Variants in MYOM1 observed in about 807,000 individuals in gnomAD.
The protein encoded by MYOM1 is myomesin-1.
Under a neutral mutation model 205.3 loss-of-function variants are expected in MYOM1, and 164 were observed. That is an observed-to-expected ratio of 0.80 (90% CI 0.70 to 0.91). The LOEUF (loss-of-function observed/expected upper bound fraction) is 0.91. Among genes scored for constraint, MYOM1 ranks in the 40% least tolerant of loss-of-function variants. The pLI, the probability that MYOM1 is intolerant of heterozygous loss-of-function variation, is 0.00. For missense variants in MYOM1, 2,011 were observed against 2,127.3 expected (o/e 0.95, Z 1.08); for synonymous variants, 772 against 789.4 (o/e 0.98, Z 0.37).
At chr18:3,165,816 C>T (rs1567945382) in intron 9 of MYOM1, among the ~76,000 whole-genome samples, 1 of 152,084 alleles carries the variant, frequency 6.6e-6, no homozygotes, top group Non-Finnish European at 1.5e-5. Context: ...AGCCATGGGA[C>T]CCATCACCAC....
intron 37 of MYOM1, among the ~76,000 whole-genome samples, chr18:3,071,319 A>ATCCCT (rs951526487): frequency 2.6e-5 from 4 of 152,320 alleles, no homozygotes; most frequent in Admixed American, 6.5e-5. Flanking sequence ...ACAAACTTTT[A>ATCCCT]TGCCGATGCT....
At chr18:3,079,417 G>A (rs1212032315) in intron 33 of MYOM1, 75 bp from the exon 34 acceptor site, 2 of 1,456,710 alleles carry the variant, frequency 1.4e-6, no homozygotes, top group Non-Finnish European at 1.8e-6. Context: ...TCTCATTGAA[G>A]CTCTTGCCAT....
Position 3,067,125 on chromosome 18 carries a change from T to A in MYOM1, c.*137A>T, listed in dbSNP as rs140209779. The A allele has an allele frequency of 5.1e-5, 47 of 927,978 alleles. No homozygotes were observed. In the African/African-American group the frequency reaches 7.0e-4, roughly 14 times the overall value. 57.5% of individuals were successfully genotyped at this position (927,978 alleles called of 1,614,324 possible). On this transcript the variant is annotated 3_prime_UTR_variant, in exon 38 of 38. Coordinates refer to ENST00000356443, the MANE Select transcript of MYOM1 (RefSeq NM_003803.4). ...TGTCATTAGTTGGTGCTTTTTTATA[T>A]GAGTGAAAGACCTGACATTATTTTC... is the stretch of plus-strand genomic sequence containing the variant.
At chr18:3,166,263 C>CTTTTTTTTTTTTTTTTTTTTTTTTTTTT in intron 9 of MYOM1, among the ~76,000 whole-genome samples, 1 of 111,668 alleles carries the variant, frequency 9.0e-6, no homozygotes, top group Non-Finnish European at 1.8e-5. Flanking sequence ...TATCTCAAGT[C>CTTTTTTTTTTTTTTTTTTTTTTTTTTTT]TTTTTTTTTT....
At chr18:3,137,406 T>C (rs1318226931) in intron 14 of MYOM1, among the ~76,000 whole-genome samples, 1 of 152,120 alleles carries the variant, frequency 6.6e-6, no homozygotes, top group African/African-American at 2.4e-5. Context: ...AAAGCCAAAA[T>C]ATGGAATCAA....
intron 3 of MYOM1, among the ~76,000 whole-genome samples, chr18:3,192,468 G>A (rs964651160): frequency 7.2e-5 from 11 of 152,346 alleles, no homozygotes; most frequent in African/African-American, 2.4e-4. Flanking sequence ...AAGTCAGAAA[G>A]GAACTGTCAG....
chr18:3,197,681 A>G (rs12326123), intron 2 of MYOM1, among the ~76,000 whole-genome samples: 54,232 of 150,702 alleles, frequency 0.36, 10,012 homozygotes, highest in East Asian at 0.5. Flanking sequence ...AGACCATCCT[A>G]GCTAACATGG....
intron 31 of MYOM1, among the ~76,000 whole-genome samples, chr18:3,084,485 A>C (rs2079126764): frequency 6.6e-6 from 1 of 152,218 alleles, no homozygotes; most frequent in Admixed American, 6.5e-5. Context: ...ACTTCCACCC[A>C]AAGTAGGAAG....
At chr18:3,108,222 C>T (rs1026134600) in intron 22 of MYOM1, among the ~76,000 whole-genome samples, 4 of 152,184 alleles carry the variant, frequency 2.6e-5, no homozygotes, top group Admixed American at 1.3e-4. Flanking sequence ...ATTAAATTCT[C>T]AACTGCAATG....
chr18:3,124,455 GA>G (rs1183018480), intron 19 of MYOM1, among the ~76,000 whole-genome samples: 1 of 149,914 alleles, frequency 6.7e-6, no homozygotes. Context: ...CCACTCCTGG[GA>G]CTCCCGAGGA....
At chr18:3,154,902 C>G (rs2080272376) in intron 11 of MYOM1, 45 bp downstream of exon 11, 1 of 1,583,814 alleles carries the variant, frequency 6.3e-7, no homozygotes, top group Non-Finnish European at 8.6e-7. Context: ...AAGCACGCAT[C>G]TCTATGACCA....
intron 33 of MYOM1, among the ~76,000 whole-genome samples, chr18:3,082,804 G>C (rs1201455049): frequency 6.6e-6 from 1 of 152,178 alleles, no homozygotes; most frequent in Non-Finnish European, 1.5e-5. Flanking sequence ...CTTGAATAGA[G>C]TCCCTGTATA....
chr18:3,183,872 C>T (rs1182896639), intron 5 of MYOM1, among the ~76,000 whole-genome samples: 1 of 151,484 alleles, frequency 6.6e-6, no homozygotes, highest in Non-Finnish European at 1.5e-5. Context: ...GGTGCAAAGT[C>T]AATTAGCACT....
At chr18:3,101,919 C>T (rs1465375556) in intron 23 of MYOM1, among the ~76,000 whole-genome samples, 1 of 150,170 alleles carries the variant, frequency 6.7e-6, no homozygotes, top group East Asian at 2.0e-4. Context: ...CCCCTAGGCT[C>T]AAGTGATCTT....
At chr18:3,089,501 T>C in intron 28 of MYOM1, 36 bp downstream of exon 28, 1 of 1,533,534 alleles carries the variant, frequency 6.5e-7, no homozygotes, top group South Asian at 1.2e-5. Context: ...TACAAAAAAA[T>C]TAAAAATTTT....
At chr18:3,226,206 C>T in the MYOM1 span, among the ~76,000 whole-genome samples, 4 of 152,122 alleles carry the variant, frequency 2.6e-5, no homozygotes, top group South Asian at 4.1e-4. The surrounding 1 kb of genome is among the most constrained non-coding windows in gnomAD (Gnocchi z 4.6). Context: ...GAGTGGTGCA[C>T]GGGTTGGAGA....
intron 14 of MYOM1, among the ~76,000 whole-genome samples, chr18:3,137,100 C>A (rs543550620): frequency 6.6e-5 from 10 of 151,602 alleles, no homozygotes; most frequent in African/African-American, 1.5e-4. Context: ...ACAGGCGCCC[C>A]CCACCACACC....
intron 33 of MYOM1, among the ~76,000 whole-genome samples, chr18:3,080,686 AT>A (rs1193858404): frequency 8.6e-5 from 13 of 150,608 alleles, no homozygotes; most frequent in Middle Eastern, 3.4e-3. Flanking sequence ...AAAAAAAAAA[AT>A]TTCCTACCTA....
At position 3,176,082 on chromosome 18, in the gene MYOM1, T is replaced by G; in HGVS notation, c.982A>C (p.Ile328Leu). The G allele has an allele frequency of 6.2e-7, 1 of 1,607,754 alleles. No individual in the cohort carries two copies. Residue 328 changes from isoleucine to leucine, a missense_variant, in exon 6 of 38, where the codon ATT becomes CTT. By Grantham distance (5) the Ile-to-Leu change is conservative. Coordinates refer to ENST00000356443, the MANE Select transcript of MYOM1 (RefSeq NM_003803.4). Reference sequence around the variant, plus strand: ...GTGTGCATCCCATATCGACTCTCAATAATATACTTTCCAGGGTTTGCATGG... The same window carrying G: ...GTGTGCATCCCATATCGACTCTCAAGAATATACTTTCCAGGGTTTGCATGG... ...NVHANPGKYIIESRYGMHTLE... is the reference protein window; with the variant it reads ...NVHANPGKYILESRYGMHTLE...
Sources: gnomAD v4.1 joint callset for allele counts (sites outside exome capture counted in the v4.1 genomes callset) on GRCh38, gnomAD v4.1.1 for gene constraint, Gnocchi (gnomAD v3.1) non-coding constraint, MANE v1.5 for transcripts, NCBI Gene and HGNC (gene_info 2026-07-23, HGNC 2026-07-21) for gene names.